Variants in SCN9A observed in about 807,000 individuals in gnomAD.
SCN9A encodes sodium voltage-gated channel alpha subunit 9, also known as sodium channel protein type 9 subunit alpha.
SCN9A carries 131 observed loss-of-function variants against 187.0 expected under a neutral mutation model. That is an observed-to-expected ratio of 0.70 (90% CI 0.61 to 0.81). The LOEUF is 0.81. SCN9A is among the 30% of genes least tolerant of loss of function. The probability of loss-of-function intolerance (pLI) is 0.00; values close to 1 mark genes in which losing one functional copy is unlikely to be tolerated. For synonymous variants in SCN9A, 809 were observed against 808.6 expected (o/e 1.00, Z -0.01); for missense variants, 2,252 against 2,396.6 (o/e 0.94, Z 1.26).
At chr2:166,211,153 T>G (rs1694073622) in intron 24 of SCN9A, among the ~76,000 whole-genome samples, 1 of 152,132 alleles carries the variant, frequency 6.6e-6, no homozygotes, top group South Asian at 2.1e-4. Flanking sequence ...AGAAAAAAAC[T>G]GAATTGTCAT....
rs183749217 is a variant in SCN9A, at chr2:166,294,546, T to A, written c.965+53A>T. The A allele has an allele frequency of 2.7e-4, 371 of 1,349,614 alleles. 2 individuals carry two copies. Among genetic ancestry groups the A allele is most frequent in the Middle Eastern group, 2.2e-3 (12 of 5,468 alleles). 83.6% of individuals were successfully genotyped at this position (1,349,614 alleles called of 1,614,324 possible). ...ACTAATTTGCAAACTGACTGAACAT[T>A]CTTTTCCTTCTCTTTCAGCCTTTAG... On this transcript the variant is annotated intron_variant, in intron 8 of 26. Transcript: ENST00000642356.
chr2:166,330,397 T>C (rs1699471773), intron 1 of SCN9A, among the ~76,000 whole-genome samples: 1 of 152,234 alleles, frequency 6.6e-6, no homozygotes, highest in Non-Finnish European at 1.5e-5. Context: ...CACATGAATC[T>C]CTAATTTACA....
At position 166,272,593 on chromosome 2, in the gene SCN9A, G is replaced by A. The variant is rs374531355; in HGVS notation, c.3157C>T (p.Leu1053Phe). 29 of 1,613,208 alleles carry A rather than the reference G, an allele frequency of 1.8e-5. No homozygotes were observed. In the African/African-American group the frequency reaches 3.7e-4, roughly 21 times the overall value. The change falls in exon 17 of 27, where the codon CTC becomes TTC. Residue 1053 changes from leucine (L) to phenylalanine (F), a missense_variant. This residue lies in a region of SCN9A where 313 missense variants were observed against 295.3 expected (regional missense o/e 1.06). Coordinates refer to ENST00000642356, the MANE Select transcript of SCN9A (RefSeq NM_001365536.1). ...LAEMSKGHNFLKEKDKISGFG... is the reference protein window; with the variant it reads ...LAEMSKGHNFFKEKDKISGFG... ...CCACTGATTTTATCTTTTTCCTTGA[G>A]GAAATTGTGACCTTTGCTCATTTCA...
Position 166,198,561 on chromosome 2 carries a change from T to G in SCN9A, c.*111A>C. ...AATCAGAGTTAGTGACTGCACTGCC[T>G]TCGAGAATATTTTGATAAAAAGGAT... On this transcript the variant is annotated 3_prime_UTR_variant, in exon 27 of 27. Transcript: ENST00000642356. 3.6e-6 allele frequency: 3 copies of G among 827,602 alleles called. No individual in the cohort carries two copies. The highest frequency in any genetic ancestry group is 5.5e-6 in the Non-Finnish European group (3 of 542,860). 51.3% of individuals were successfully genotyped at this position (827,602 alleles called of 1,614,324 possible).
chr2:166,204,162 C>T lies in SCN9A; in HGVS notation c.4567G>A (p.Val1523Ile), dbSNP rs749548794. The change falls in exon 26 of 27, where the codon GTT becomes ATT. Residue 1523 changes from valine (V) to isoleucine (I), a missense_variant. Transcript: ENST00000642356. ...GTTACCATGTTGAGACAGATAAGAA[C>T]CATGATACTAATATCAAAGGCTTGA... ...TNQAFDISIM[V>I]LICLNMVTMM... is the part of the protein sequence containing the mutation. 4.3e-6 allele frequency: 7 copies of T among 1,612,280 alleles called. No homozygotes were observed. Among genetic ancestry groups the T allele is most frequent in the South Asian group, 2.2e-5 (2 of 91,016 alleles).
chr2:166,312,140 A>G (rs1364734198), intron 1 of SCN9A, among the ~76,000 whole-genome samples: 4 of 152,064 alleles, frequency 2.6e-5, no homozygotes, highest in Admixed American at 1.3e-4. Flanking sequence ...TTCCTCTTTT[A>G]AAAGTCTTTA....
rs1001874816 is a variant in SCN9A, at chr2:166,316,723, T to C, written c.-50-4917A>G. ...AAATAAATAAAGTGTACAAACTTTT[T>C]GAGGGTAATTTTGTAATATCTATCA... On this transcript the variant is annotated intron_variant, in intron 1 of 26. Coordinates refer to ENST00000642356, the MANE Select transcript of SCN9A (RefSeq NM_001365536.1). Among the ~76,000 whole-genome samples the C allele has an allele frequency of 2.6e-5, 4 of 152,208 alleles. No individual in the cohort carries two copies. The East Asian group carries it at 7.7e-4, about 29-fold the overall frequency.
intron 1 of SCN9A, among the ~76,000 whole-genome samples, chr2:166,373,120 T>C (rs1470162333): frequency 6.6e-6 from 1 of 151,826 alleles, no homozygotes; most frequent in African/African-American, 2.4e-5. Context: ...CCTTAAAGAG[T>C]GCTATTGTTT....
At chr2:166,219,767 AT>A (rs1317746865) in intron 24 of SCN9A, among the ~76,000 whole-genome samples, 1 of 152,220 alleles carries the variant, frequency 6.6e-6, no homozygotes, top group East Asian at 1.9e-4. Flanking sequence ...AATGAAAAAA[AT>A]AAATGTATAT....
At chr2:166,359,340 T>A (rs1037906900) in intron 1 of SCN9A, among the ~76,000 whole-genome samples, 1 of 152,134 alleles carries the variant, frequency 6.6e-6, no homozygotes, top group African/African-American at 2.4e-5. Flanking sequence ...GACTCTTTTT[T>A]TAATACCTCT....
chr2:166,216,181 C>T (rs1342903053), intron 24 of SCN9A, among the ~76,000 whole-genome samples: 1 of 151,852 alleles, frequency 6.6e-6, no homozygotes, highest in Non-Finnish European at 1.5e-5. Context: ...TGATAAAATC[C>T]AGCATATGTT....
intron 1 of SCN9A, among the ~76,000 whole-genome samples, chr2:166,327,061 T>C (rs1333495961): frequency 6.6e-6 from 1 of 152,186 alleles, no homozygotes; most frequent in East Asian, 1.9e-4. Flanking sequence ...TGTCTTATTT[T>C]GATAAAAATA....
intron 24 of SCN9A, among the ~76,000 whole-genome samples, chr2:166,213,375 G>T (rs1255036620): frequency 6.6e-6 from 1 of 150,648 alleles, no homozygotes; most frequent in Non-Finnish European, 1.5e-5. Flanking sequence ...GGATAACTTA[G>T]AAGGAATAGG....
chr2:166,367,407 T>G (rs983597548), intron 1 of SCN9A, among the ~76,000 whole-genome samples: 1 of 152,008 alleles, frequency 6.6e-6, no homozygotes, highest in East Asian at 1.9e-4. Flanking sequence ...GGACTACAGG[T>G]GCTGGCCACC....
chr2:166,305,835 G>A lies in SCN9A; in HGVS notation c.553C>T (p.Arg185Cys), dbSNP rs202083986. ...AAATCCAGCCAGTTCCACGGGTCACGAAGAAAAGTGAATTCTCCTACACAG... is the reference window on the plus strand; with the variant it reads ...AAATCCAGCCAGTTCCACGGGTCACAAAGAAAAGTGAATTCTCCTACACAG... ...GFCVGEFTFL[R>C]DPWNWLDFVV... Residue 185 changes from arginine to cysteine, a missense_variant, in exon 5 of 27, where the codon CGT becomes TGT. Transcript: ENST00000642356. 1.9e-5 allele frequency: 31 copies of A among 1,613,216 alleles called. No individual in the cohort carries two copies. The highest frequency in any genetic ancestry group is 8.3e-5 in the Admixed American group (5 of 59,928).
chr2:166,369,947 G>A (rs1451577044), intron 1 of SCN9A, among the ~76,000 whole-genome samples: 1 of 152,082 alleles, frequency 6.6e-6, no homozygotes, highest in Non-Finnish European at 1.5e-5. Context: ...TGGGATTGCA[G>A]GGGTGACCAG....
At chr2:166,288,074 A>T (rs889183703) in intron 10 of SCN9A, among the ~76,000 whole-genome samples, 1 of 141,276 alleles carries the variant, frequency 7.1e-6, no homozygotes, top group Non-Finnish European at 1.5e-5. Flanking sequence ...AATTTAAAAA[A>T]ACACATAGTT....
In SCN9A at chr2:166,284,498, C is replaced by CT. The variant is rs772349050; in HGVS notation, c.1928dup (p.Leu644AlafsTer9). The CT allele has an allele frequency of 1.2e-6, 2 of 1,614,072 alleles. No individual in the cohort carries two copies. The highest frequency in any genetic ancestry group is 1.7e-6 in the Non-Finnish European group (2 of 1,179,970). On this transcript the variant is annotated frameshift_variant, in exon 12 of 27. Coordinates refer to ENST00000642356, the MANE Select transcript of SCN9A (RefSeq NM_001365536.1). LOFTEE classifies it high-confidence loss of function. ...TATCTATTATCACCTCTGGCAGAAG[C>CT]TGTCCATTGGGGAGCATGAGGGCTG...
intron 1 of SCN9A, among the ~76,000 whole-genome samples, chr2:166,312,089 CT>C (rs1462691607): frequency 6.6e-6 from 1 of 152,184 alleles, no homozygotes; most frequent in African/African-American, 2.4e-5. Flanking sequence ...AATTCCCCTT[CT>C]TTTCGTCTAT....
Sources: gnomAD v4.1 joint callset for allele counts (sites outside exome capture counted in the v4.1 genomes callset) on GRCh38, gnomAD v4.1.1 for gene constraint, gnomAD v4.1.1 regional missense constraint, MANE v1.5 for transcripts, NCBI Gene and HGNC (gene_info 2026-07-23, HGNC 2026-07-21) for gene names.